SRGAP2B: variants seen among roughly 807,000 people sequenced by gnomAD.
The protein encoded by SRGAP2B is SLIT-ROBO Rho GTPase-activating protein 2B.
Under a neutral mutation model 22.2 loss-of-function variants are expected in SRGAP2B, and 9 were observed. The observed-to-expected ratio is 0.41, with a 90% CI of 0.24 to 0.71. The LOEUF (loss-of-function observed/expected upper bound fraction) is 0.71. Ranked by LOEUF, SRGAP2B falls within the 30% of genes least tolerant of loss-of-function variation. The pLI is 0.35. For missense variants in SRGAP2B, 114 were observed against 235.8 expected (o/e 0.48, Z 3.38); for synonymous variants, 36 against 87.4 (o/e 0.41, Z 3.28).
chr1:144,957,821 G>A (rs1413033802), intron 3 of SRGAP2B, among the ~76,000 whole-genome samples: 1 of 147,126 alleles, frequency 6.8e-6, no homozygotes, highest in Admixed American at 6.7e-5. Context: ...TAATCAAGTG[G>A]TGTCTCTCGG....
rs1292579884 is a variant in SRGAP2B at position 145,067,245 on chromosome 1, C to T, written c.67+25590G>A. On this transcript the variant is annotated intron_variant, in intron 2 of 9. Coordinates refer to ENST00000612199, the Ensembl canonical transcript of SRGAP2B. ...CAGAGGTTGCAGTGAGCTGAGATCA[C>T]GCCATTGCACTCCAGCCTGGACAAC... 9.5e-4 allele frequency among the ~76,000 whole-genome samples: 138 copies of T among 145,226 alleles called. 5 individuals carry two copies. The highest frequency in any genetic ancestry group is 3.4e-3 in the African/African-American group (128 of 37,600).
intron 2 of SRGAP2B, among the ~76,000 whole-genome samples, chr1:145,001,674 C>T (rs1671174306): frequency 6.7e-6 from 1 of 148,736 alleles, no homozygotes; most frequent in East Asian, 2.0e-4. Flanking sequence ...AATATTCTTC[C>T]TCAAAGAGTG....
At chr1:144,942,304 T>C (rs1666108484) in intron 4 of SRGAP2B, among the ~76,000 whole-genome samples, 1 of 150,476 alleles carries the variant, frequency 6.6e-6, no homozygotes, top group South Asian at 2.1e-4. Flanking sequence ...ACACTATTCG[T>C]GTGTGTGGTT....
chr1:144,957,187 A>G (rs1667329015), intron 3 of SRGAP2B, among the ~76,000 whole-genome samples: 1 of 150,924 alleles, frequency 6.6e-6, no homozygotes, highest in Non-Finnish European at 1.5e-5. Context: ...TCCTACTACA[A>G]GGAAAGTGAG....
Position 145,081,067 on chromosome 1 carries a change from C to T in SRGAP2B, c.67+11768G>A, listed in dbSNP as rs587606549. ...ATGAGGACAATCAACTGAGTGTGTA[C>T]AGCATCTCATAGTTTCAACTGAATT... On this transcript the variant is annotated intron_variant, in intron 2 of 9. Transcript: ENST00000612199. Among the ~76,000 whole-genome samples, 5 of 149,180 alleles carry T rather than the reference C, an allele frequency of 3.4e-5. 1 individual carries two copies. The highest frequency in any genetic ancestry group is 1.3e-4 in the African/African-American group (5 of 39,246).
chr1:145,084,948 G>GT (rs1435025778), intron 2 of SRGAP2B, among the ~76,000 whole-genome samples: 8 of 151,162 alleles, frequency 5.3e-5, no homozygotes, highest in Non-Finnish European at 1.0e-4. Context: ...TCATTTGCTT[G>GT]TTTTTTGTTT....
chr1:145,021,814 C>CA (rs71074453), intron 2 of SRGAP2B, among the ~76,000 whole-genome samples: 6,435 of 70,050 alleles, frequency 0.092, 289 homozygotes, highest in African/African-American at 0.19. Context: ...AACTCCGTCT[C>CA]AAAAAAAAAA....
chr1:144,902,654 C>T (rs1436682243), intron 7 of SRGAP2B, among the ~76,000 whole-genome samples: 43 of 142,066 alleles, frequency 3.0e-4, no homozygotes, highest in African/African-American at 9.8e-4. Context: ...CCCAGCTACT[C>T]GGGAGGCTGA....
chr1:144,970,871 A>C (rs1668460203), intron 3 of SRGAP2B, among the ~76,000 whole-genome samples: 1 of 150,002 alleles, frequency 6.7e-6, no homozygotes, highest in Non-Finnish European at 1.5e-5. Context: ...GACTTTTGTG[A>C]AGATCCAATC....
At chr1:145,015,358 C>T (rs1200866533) in intron 2 of SRGAP2B, among the ~76,000 whole-genome samples, 17 of 116,958 alleles carry the variant, frequency 1.5e-4, no homozygotes, top group African/African-American at 5.1e-4. Flanking sequence ...GGATTATGGG[C>T]GTGAGCCACC....
intron 4 of SRGAP2B, among the ~76,000 whole-genome samples, chr1:144,925,144 A>G (rs1553604778): frequency 6.7e-6 from 1 of 149,448 alleles, no homozygotes; most frequent in Non-Finnish European, 1.5e-5. Context: ...CTGGGACTAC[A>G]GGTGTTCACC....
At chr1:145,005,965 C>T (rs1671560478) in intron 2 of SRGAP2B, among the ~76,000 whole-genome samples, 1 of 150,842 alleles carries the variant, frequency 6.6e-6, no homozygotes, top group African/African-American at 2.5e-5. Context: ...TCAGTTTATG[C>T]ACCACCCCAG....
chr1:145,030,721 A>AAATATAT (rs1553625890), intron 2 of SRGAP2B, among the ~76,000 whole-genome samples: 2 of 14,496 alleles, frequency 1.4e-4, no homozygotes, highest in Non-Finnish European at 2.2e-4. Flanking sequence ...AAAAAAAAAA[A>AAATATAT]ATATATATAT....
intron 2 of SRGAP2B, among the ~76,000 whole-genome samples, chr1:145,080,604 G>A (rs1330661173): frequency 2.2e-4 from 32 of 146,862 alleles, no homozygotes; most frequent in Non-Finnish European, 3.7e-4. Context: ...AGGCTGGAGT[G>A]CAATGGTGCG....
Position 144,984,622 on chromosome 1 carries a change from A to G in SRGAP2B, c.260+10386T>C, listed in dbSNP as rs1669583757. 2.0e-5 allele frequency among the ~76,000 whole-genome samples: 3 copies of G among 149,160 alleles called. 1 individual carries two copies. Among genetic ancestry groups the G allele is most frequent in the Admixed American group, 2.0e-4 (3 of 15,002 alleles). On this transcript the variant is annotated intron_variant, in intron 3 of 9. Transcript: ENST00000612199. Reference sequence around the variant, plus strand: ...TGTGTCTGGCACATGGTAAGAAGATATATATTTGCTAAATGGACAGAAGGA... The same window carrying G: ...TGTGTCTGGCACATGGTAAGAAGATGTATATTTGCTAAATGGACAGAAGGA...
In SRGAP2B at chr1:144,934,216, C is replaced by A. The variant is rs587645882; in HGVS notation, c.424-19462G>T. Reference sequence around the variant, plus strand: ...AGTCAAGAGTTCGAGACTAGCCTGGCCAACATAGTGAAACCCTGTCTCTAC... The same window carrying A: ...AGTCAAGAGTTCGAGACTAGCCTGGACAACATAGTGAAACCCTGTCTCTAC... On this transcript the variant is annotated intron_variant, in intron 4 of 9. Transcript: ENST00000612199. Among the ~76,000 whole-genome samples, 781 of 150,382 alleles carry A rather than the reference C, an allele frequency of 5.2e-3. 2 individuals are homozygous for A. Among genetic ancestry groups the A allele is most frequent in the Non-Finnish European group, 6.6e-3 (450 of 67,898 alleles).
intron 4 of SRGAP2B, among the ~76,000 whole-genome samples, chr1:144,941,762 C>G (rs1666069128): frequency 6.7e-6 from 1 of 149,568 alleles, no homozygotes; most frequent in Admixed American, 6.6e-5. Flanking sequence ...GGGGAGTCAA[C>G]AGAAGCCTGT....
rs1243367595 is a variant in SRGAP2B, at chr1:145,025,956, G to A, written c.68-30756C>T. Reference sequence around the variant, plus strand: ...ACAACACGCCTTGGGGAGGGCAGGGGATGGGAGGCGGAAAGGGAAAGAATG... The same window carrying A: ...ACAACACGCCTTGGGGAGGGCAGGGAATGGGAGGCGGAAAGGGAAAGAATG... On this transcript the variant is annotated intron_variant, in intron 2 of 9. Transcript: ENST00000612199. Among the ~76,000 whole-genome samples, 165 of 146,766 alleles carry A rather than the reference G, an allele frequency of 1.1e-3. 2 individuals are homozygous for A. In the East Asian group the frequency reaches 0.032, roughly 29 times the overall value.
At chr1:144,940,774 G>A (rs1665972421) in intron 4 of SRGAP2B, among the ~76,000 whole-genome samples, 1 of 136,702 alleles carries the variant, frequency 7.3e-6, no homozygotes. Flanking sequence ...CTGTACTCCA[G>A]CCTGAAAAAA....
Sources: allele counts gnomAD v4.1 joint callset (sites outside exome capture counted in the v4.1 genomes callset), GRCh38; gene constraint gnomAD v4.1.1; transcripts MANE v1.5; gene names NCBI Gene and HGNC (gene_info 2026-07-23, HGNC 2026-07-21).